Variants in WDR70 observed in about 807,000 individuals in gnomAD.
WDR70 encodes the protein WD repeat domain 70, also known as WD repeat-containing protein 70.
In WDR70, 53 loss-of-function variants were observed where a neutral mutation model predicts 88.6. That is an observed-to-expected ratio of 0.60 (90% CI 0.48 to 0.75). The LOEUF is 0.75. WDR70 is among the 30% of genes least tolerant of loss of function. The probability of loss-of-function intolerance (pLI) is 0.00; values close to 1 mark genes in which losing one functional copy is unlikely to be tolerated. For synonymous variants in WDR70, 280 were observed against 270.0 expected, an observed-to-expected ratio of 1.04 and a Z score of -0.36; for missense variants, 610 against 823.2, an observed-to-expected ratio of 0.74 and a Z score of 3.17.
At chr5:37,492,287 G>T (rs1740090843) in intron 8 of WDR70, among the ~76,000 whole-genome samples, 1 of 152,158 alleles carries the variant, frequency 6.6e-6, no homozygotes, top group Admixed American at 6.5e-5. Context: ...TTCTCCAACA[G>T]TGAAGAACAT....
At chr5:37,606,471 T>A (rs1245832604) in intron 10 of WDR70, among the ~76,000 whole-genome samples, 1 of 152,238 alleles carries the variant, frequency 6.6e-6, no homozygotes, top group Non-Finnish European at 1.5e-5. Flanking sequence ...AGTTTTCTTG[T>A]GTAGCTTTAA....
intron 17 of WDR70, among the ~76,000 whole-genome samples, chr5:37,750,838 CA>C (rs1232450146): frequency 6.6e-6 from 1 of 152,188 alleles, no homozygotes; most frequent in African/African-American, 2.4e-5. Flanking sequence ...TACCTAGTCT[CA>C]GATATGTCTT....
At chr5:37,732,504 C>G (rs1748174958) in intron 17 of WDR70, among the ~76,000 whole-genome samples, 1 of 152,078 alleles carries the variant, frequency 6.6e-6, no homozygotes, top group Non-Finnish European at 1.5e-5. Context: ...TTTGCCCACA[C>G]ATGCAAAACT....
chr5:37,568,206 G>T (rs531011606), intron 9 of WDR70, among the ~76,000 whole-genome samples: 1 of 152,240 alleles, frequency 6.6e-6, no homozygotes, highest in South Asian at 2.1e-4. Flanking sequence ...GTGATTCTGT[G>T]AATTTTTTAG....
chr5:37,623,369 CAT>C (rs1412479662), intron 10 of WDR70, among the ~76,000 whole-genome samples: 1 of 152,062 alleles, frequency 6.6e-6, no homozygotes, highest in Non-Finnish European at 1.5e-5. Context: ...TATCCTCAAA[CAT>C]ATAAAATCCA....
chr5:37,433,832 A>G (rs1750388313), intron 5 of WDR70, among the ~76,000 whole-genome samples: 1 of 152,148 alleles, frequency 6.6e-6, no homozygotes, highest in African/African-American at 2.4e-5. Context: ...TCATTTGCCC[A>G]TTTGTTTACC....
intron 9 of WDR70, among the ~76,000 whole-genome samples, chr5:37,521,742 C>CACA (rs1741100692): frequency 5.4e-5 from 7 of 128,776 alleles, no homozygotes; most frequent in African/African-American, 1.7e-4. Context: ...ACACACACAC[C>CACA]CACATGTTCT....
At chr5:37,475,232 T>TTTTTG (rs1274442868) in intron 7 of WDR70, among the ~76,000 whole-genome samples, 1 of 149,866 alleles carries the variant, frequency 6.7e-6, no homozygotes, top group Non-Finnish European at 1.5e-5. Flanking sequence ...GTTCCTTGAT[T>TTTTTG]TTTTGTTTTG....
intron 10 of WDR70, among the ~76,000 whole-genome samples, chr5:37,667,984 A>G (rs1263754949): frequency 6.6e-6 from 1 of 152,154 alleles, no homozygotes; most frequent in Non-Finnish European, 1.5e-5. Context: ...AATCTTCAAG[A>G]CAAGGCCATG....
At chr5:37,445,469 T>C (rs1206790833) in intron 7 of WDR70, among the ~76,000 whole-genome samples, 1 of 152,162 alleles carries the variant, frequency 6.6e-6, no homozygotes, top group Non-Finnish European at 1.5e-5. Context: ...AGAAAAACTT[T>C]TCCATTGATG....
intron 17 of WDR70, among the ~76,000 whole-genome samples, chr5:37,751,686 A>G (rs1012500166): frequency 1.3e-5 from 2 of 152,256 alleles, no homozygotes; most frequent in East Asian, 1.9e-4. Context: ...ATGTTTCTTC[A>G]TAATGCGATA....
intron 17 of WDR70, among the ~76,000 whole-genome samples, chr5:37,743,349 C>T (rs1187161776): frequency 3.9e-5 from 6 of 152,196 alleles, no homozygotes; most frequent in East Asian, 1.9e-4. Flanking sequence ...ATCCTAACCC[C>T]GGAATGTGCA....
At position 37,722,692 on chromosome 5, in the gene WDR70, T is replaced by C; in HGVS notation, c.1518-163T>C. 3 of 626,642 alleles carry C rather than the reference T, an allele frequency of 4.8e-6. No individual in the cohort carries two copies. The South Asian group carries it at 5.9e-5, about 12-fold the overall frequency. 38.8% of individuals were successfully genotyped at this position (626,642 alleles called of 1,614,324 possible). On this transcript the variant is annotated intron_variant, in intron 14 of 17. Transcript: ENST00000265107. The stretch of plus-strand genomic sequence containing the variant: ...TTGCTTTTCCATAAGTTTAAGCTTT[T>C]ATCACTGAGAGCCCATCTGTTGCCA...
chr5:37,483,991 A>G (rs1467948748), intron 8 of WDR70, among the ~76,000 whole-genome samples: 2 of 149,514 alleles, frequency 1.3e-5, no homozygotes, highest in South Asian at 2.1e-4. Flanking sequence ...CACATCTCAG[A>G]CGATGGGCGG....
intron 10 of WDR70, among the ~76,000 whole-genome samples, chr5:37,655,317 T>G (rs1039445438): frequency 1.8e-4 from 27 of 152,362 alleles, no homozygotes; most frequent in African/African-American, 6.5e-4. Flanking sequence ...GCGCTGTTAG[T>G]CTGATGGGCT....
chr5:37,517,285 A>C (rs1740916874), intron 9 of WDR70, among the ~76,000 whole-genome samples: 1 of 152,202 alleles, frequency 6.6e-6, no homozygotes, highest in Admixed American at 6.5e-5. Flanking sequence ...TAACTGAGGA[A>C]ATTGATTAAA....
intron 9 of WDR70, among the ~76,000 whole-genome samples, chr5:37,550,657 G>A (rs1366222903): frequency 1.3e-5 from 2 of 152,164 alleles, no homozygotes; most frequent in African/African-American, 4.8e-5. Context: ...CCTGTAGTCA[G>A]CAGATCAGTG....
chr5:37,750,964 A>G (rs760541235), intron 17 of WDR70, among the ~76,000 whole-genome samples: 12 of 152,242 alleles, frequency 7.9e-5, no homozygotes, highest in Non-Finnish European at 1.8e-4. Context: ...TTTATATACA[A>G]GAAACTAGCA....
At chr5:37,519,731 G>A (rs913658538) in intron 9 of WDR70, among the ~76,000 whole-genome samples, 1 of 152,234 alleles carries the variant, frequency 6.6e-6, no homozygotes, top group Non-Finnish European at 1.5e-5. Flanking sequence ...GGGGCGGCTG[G>A]GCAGAGAGAG....
Sources: gnomAD v4.1 joint callset for allele counts (sites outside exome capture counted in the v4.1 genomes callset) on GRCh38, gnomAD v4.1.1 for gene constraint, MANE v1.5 for transcripts, NCBI Gene and HGNC (gene_info 2026-07-23, HGNC 2026-07-21) for gene names.